The following NCAPD2 variants were observed in gnomAD, a reference collection of about 807,000 sequenced individuals.
NCAPD2 encodes condensin complex subunit 1.
NCAPD2 carries 100 observed loss-of-function variants against 164.5 expected under a neutral mutation model. The observed-to-expected ratio is 0.61, with a 90% CI of 0.52 to 0.72. NCAPD2 has a LOEUF of 0.72. NCAPD2 is among the 30% of genes least tolerant of loss of function. NCAPD2 has a pLI of 0.00. For missense variants in NCAPD2, 1,560 were observed against 1,749.2 expected (o/e 0.89, Z 1.93); for synonymous variants, 585 against 642.6 (o/e 0.91, Z 1.36).
intron 17 of NCAPD2, 49 bp downstream of exon 17, chr12:6,523,395 G>GTTTTTTTTTTT: frequency 1.2e-6 from 1 of 864,490 alleles, no homozygotes; most frequent in Non-Finnish European, 1.6e-6. Flanking sequence ...AAGTATTTTG[G>GTTTTTTTTTTT]TTGTTTTTTT....
Position 6,524,817 on chromosome 12 carries a change from C to T in NCAPD2, c.2215-766C>T, listed in dbSNP as rs114551345. On this transcript the variant is annotated intron_variant, in intron 17 of 31. Coordinates refer to ENST00000315579, the MANE Select transcript of NCAPD2 (RefSeq NM_014865.4). The stretch of plus-strand genomic sequence containing the variant: ...ATTCTGCTTTGTAGCATTTGCATTG[C>T]GGGCACAGAGAGTGGAGGTGGCGCT... Among the ~76,000 whole-genome samples the T allele has an allele frequency of 2.8e-3, 432 of 152,232 alleles. 3 individuals carry two copies. The highest frequency in any genetic ancestry group is 1.0e-2 in the African/African-American group (415 of 41,544).
In NCAPD2 at chr12:6,529,046, C is replaced by T. The variant is rs966149636; in HGVS notation, c.3572+7C>T. ...CTTTCCACACCATCATGAAGTATTG[C>T]TCCCCGGGCCCTGGGGCACATTTTC... is the stretch of plus-strand genomic sequence containing the variant. On this transcript the variant is annotated splice_region_variant and intron_variant, in intron 27 of 31. Transcript: ENST00000315579. The T allele has an allele frequency of 3.7e-6, 6 of 1,610,862 alleles. No individual in the cohort carries two copies. Among genetic ancestry groups the T allele is most frequent in the Non-Finnish European group, 5.1e-6 (6 of 1,178,678 alleles).
intron 28 of NCAPD2, 21 bp downstream of exon 28, chr12:6,529,614 G>A: frequency 6.2e-7 from 1 of 1,613,798 alleles, no homozygotes; most frequent in Admixed American, 1.7e-5. Flanking sequence ...CTCCCTGAGG[G>A]TTCTTTGTGC....
rs777815289 is a variant in NCAPD2, at chr12:6,529,548, C to G, written c.3608C>G (p.Thr1203Arg). 45 of 1,614,024 alleles carry G rather than the reference C, an allele frequency of 2.8e-5. No individual in the cohort carries two copies. Among genetic ancestry groups the G allele is most frequent in the Non-Finnish European group, 3.6e-5 (42 of 1,180,016 alleles). Residue 1203 changes from threonine (T) to arginine (R), a missense_variant, in exon 28 of 32, where the codon ACA (threonine) becomes AGA (arginine). Coordinates refer to ENST00000315579, the MANE Select transcript of NCAPD2 (RefSeq NM_014865.4). Reference sequence around the variant, plus strand: ...TCCTACATCACCAAGGACAAGCAGACAGAGAGCCTGGTGGAAAAGCTGTGT... The same window carrying G: ...TCCTACATCACCAAGGACAAGCAGAGAGAGAGCCTGGTGGAAAAGCTGTGT... ...LLSYITKDKQTESLVEKLCQR... is the reference protein window; with the variant it reads ...LLSYITKDKQRESLVEKLCQR...
chr12:6,514,893 C>T lies in NCAPD2; in HGVS notation c.960C>T (p.Cys320=), dbSNP rs1245877555. The T allele has an allele frequency of 6.2e-7, 1 of 1,614,176 alleles. No individual in the cohort carries two copies. The highest frequency in any genetic ancestry group is 1.1e-5 in the South Asian group (1 of 91,082). ...RVPAILMSSM[C]ILLDHLDGEN... ...CAGCTATCCTGATGTCCAGCATGTG[C>T]ATTTTGCTAGATCACCTGGATGGAG... Residue 320 remains cysteine (C), a synonymous_variant, in exon 9 of 32, where the codon TGC becomes TGT. Coordinates refer to ENST00000315579, the MANE Select transcript of NCAPD2 (RefSeq NM_014865.4).
chr12:6,510,392 A>C, intron 4 of NCAPD2: 1 of 779,548 alleles, frequency 1.3e-6, no homozygotes, highest in Non-Finnish European at 2.3e-6. Flanking sequence ...TCTTTTTAAT[A>C]GGGGTGATTC....
rs1256445771 is a variant in NCAPD2 at position 6,528,762 on chromosome 12, A to C, written c.3383A>C (p.Lys1128Thr). The C allele has an allele frequency of 6.2e-7, 1 of 1,614,108 alleles. No homozygotes were observed. Among genetic ancestry groups the C allele is most frequent in the East Asian group, 2.2e-5 (1 of 44,872 alleles). Residue 1128 changes from lysine (K) to threonine (T), a missense_variant, in exon 26 of 32, where the codon AAG (lysine) becomes ACG (threonine). Coordinates refer to ENST00000315579, the MANE Select transcript of NCAPD2 (RefSeq NM_014865.4). This position sits in a 1 kb window ranked among gnomAD's most constrained non-coding sequence, Gnocchi z 5.1. ...HLILKDMVKV[K>T]GQVSEMAVLL... ...ATCCTCAAGGACATGGTGAAGGTGAAGGGGCAGGTCAGCGAGATGGCGGTG... is the reference window on the plus strand; with the variant it reads ...ATCCTCAAGGACATGGTGAAGGTGACGGGGCAGGTCAGCGAGATGGCGGTG...
chr12:6,528,014 T>C lies in NCAPD2; in HGVS notation c.3066T>C (p.Cys1022=). Residue 1022 remains cysteine, a synonymous_variant, in exon 24 of 32, where the codon TGT becomes TGC. Coordinates refer to ENST00000315579, the MANE Select transcript of NCAPD2 (RefSeq NM_014865.4). This position sits in a 1 kb window ranked among gnomAD's most constrained non-coding sequence, Gnocchi z 5.1. ...AAFVPLLLKV[C]NNPGLYSNPD... The stretch of plus-strand genomic sequence containing the variant: ...TTGTTCCACTCTTGCTTAAAGTCTG[T>C]AACAACCCAGGCCTCTATAGCAACC... 1 of 1,614,256 alleles carries C rather than the reference T, an allele frequency of 6.2e-7. No homozygotes were observed. The highest frequency in any genetic ancestry group is 8.5e-7 in the Non-Finnish European group (1 of 1,180,044).
intron 17 of NCAPD2, 49 bp downstream of exon 17, chr12:6,523,395 G>GTTGTT: frequency 1.2e-6 from 1 of 864,494 alleles, no homozygotes; most frequent in Admixed American, 3.5e-5. Context: ...AAGTATTTTG[G>GTTGTT]TTGTTTTTTT....
At chr12:6,506,519 G>A (rs1415567637) in intron 2 of NCAPD2, among the ~76,000 whole-genome samples, 1 of 151,782 alleles carries the variant, frequency 6.6e-6, no homozygotes, top group South Asian at 2.1e-4. Flanking sequence ...GAACCCAGGA[G>A]GCAGAGCTTG....
chr12:6,522,122 T>TG, intron 15 of NCAPD2, 85 bp downstream of exon 15: 1 of 1,432,900 alleles, frequency 7.0e-7, no homozygotes. Flanking sequence ...ACAATAGAGA[T>TG]GGGGCCTTCC....
intron 17 of NCAPD2, among the ~76,000 whole-genome samples, chr12:6,525,140 A>G (rs1946304391): frequency 6.6e-6 from 1 of 152,226 alleles, no homozygotes; most frequent in African/African-American, 2.4e-5. Context: ...CAAATTTTTA[A>G]AGGAAAAATA....
chr12:6,528,282 C>T lies in NCAPD2; in HGVS notation c.3253C>T (p.Arg1085Cys), dbSNP rs199911941. 2.9e-5 allele frequency: 47 copies of T among 1,613,774 alleles called. No individual in the cohort carries two copies. Among genetic ancestry groups the T allele is most frequent in the African/African-American group, 2.3e-4 (17 of 75,040 alleles). ...GGTTGCCACTGGGGATCTGGCCATC[C>T]GCTTTCCCAATCTGGTGGACCCCTG... ...LMVATGDLAIRFPNLVDPWTP... is the reference protein window; with the variant it reads ...LMVATGDLAICFPNLVDPWTP... The change falls in exon 25 of 32, where the codon CGC becomes TGC. Residue 1085 changes from arginine to cysteine, a missense_variant. Physicochemically the swap from Arg to Cys is radical, Grantham distance 180 (BLOSUM62 -3). Coordinates refer to ENST00000315579, the MANE Select transcript of NCAPD2 (RefSeq NM_014865.4). This position sits in a 1 kb window ranked among gnomAD's most constrained non-coding sequence, Gnocchi z 5.1.
chr12:6,523,247 C>A lies in NCAPD2; in HGVS notation c.2130-15C>A, dbSNP rs752634579. 2 of 1,612,438 alleles carry A rather than the reference C, an allele frequency of 1.2e-6. No individual in the cohort carries two copies. The highest frequency in any genetic ancestry group is 4.5e-5 in the East Asian group (2 of 44,876). On this transcript the variant is annotated splice_polypyrimidine_tract_variant and intron_variant, in intron 16 of 31. Transcript: ENST00000315579. The stretch of plus-strand genomic sequence containing the variant: ...CCAATCTTATAGTGACCGCTGATCT[C>A]TGCTGTTCCCACAGAGCCAAGGCCC...
Position 6,499,403 on chromosome 12 carries a change from C to T in NCAPD2, c.127+4178C>T, listed in dbSNP as rs142498391. Among the ~76,000 whole-genome samples, 968 of 151,662 alleles carry T rather than the reference C, an allele frequency of 6.4e-3. 5 individuals carry two copies. Among genetic ancestry groups the T allele is most frequent in the Middle Eastern group, 0.014 (4 of 292 alleles). ...ATTCTTGGGGGGTTTTTTTGTTGTT[C>T]TGGAGACGGAGTTTTGCTCTGTCGC... is the stretch of plus-strand genomic sequence containing the variant. On this transcript the variant is annotated intron_variant, in intron 2 of 31. Transcript: ENST00000315579.
At chr12:6,513,263 C>T (rs955311125) in intron 6 of NCAPD2, among the ~76,000 whole-genome samples, 2 of 152,028 alleles carry the variant, frequency 1.3e-5, no homozygotes, top group East Asian at 1.9e-4. Context: ...GTGAGGATGC[C>T]GGGTGCATGG....
intron 2 of NCAPD2, among the ~76,000 whole-genome samples, chr12:6,506,244 T>C (rs551874278): frequency 6.6e-6 from 1 of 152,236 alleles, no homozygotes; most frequent in South Asian, 2.1e-4. Flanking sequence ...AAGTGTGAAC[T>C]ATCACATCCA....
Position 6,523,488 on chromosome 12 carries a change from C to G in NCAPD2, c.2214+142C>G, listed in dbSNP as rs375646082. ...TCTTGGCTCACTGCAACCTCCGCCT[C>G]CCAGGTTCAAGCAATTCTCCTGCCT... On this transcript the variant is annotated intron_variant, in intron 17 of 31. Coordinates refer to ENST00000315579, the MANE Select transcript of NCAPD2 (RefSeq NM_014865.4). The G allele has an allele frequency of 1.1e-5, 7 of 649,674 alleles. No individual in the cohort carries two copies. In the African/African-American group the frequency reaches 1.1e-4, roughly 10 times the overall value. The allele number at this position is 649,674 out of a possible 1,614,324, so 40.2% of individuals were successfully genotyped here.
chr12:6,507,285 ACAGT>A (rs1248337382), intron 2 of NCAPD2, among the ~76,000 whole-genome samples: 1 of 152,254 alleles, frequency 6.6e-6, no homozygotes, highest in African/African-American at 2.4e-5. Flanking sequence ...ATGATACAAG[ACAGT>A]CAGGGAACAA....
Sources: allele counts gnomAD v4.1 joint callset (sites outside exome capture counted in the v4.1 genomes callset), GRCh38; gene constraint gnomAD v4.1.1; non-coding constraint Gnocchi (gnomAD v3.1); transcripts MANE v1.5; gene names NCBI Gene and HGNC (gene_info 2026-07-23, HGNC 2026-07-21).